The following DST variants were observed in gnomAD, a reference collection of about 807,000 sequenced individuals.
DST encodes the protein bullous pemphigoid antigen.
In DST, 253 loss-of-function variants were observed where a neutral mutation model predicts 875.2. The ratio of observed to expected loss-of-function variants is 0.29; its 90% CI spans 0.26 to 0.32. DST has a LOEUF of 0.32. Ranked by LOEUF, DST falls within the 10% of genes least tolerant of loss-of-function variation. The pLI is 1.00. For synonymous variants in DST, 3,124 were observed against 3,197.1 expected (o/e 0.98, Z 0.77); for missense variants, 8,287 against 9,111.6 (o/e 0.91, Z 3.68).
At chr6:56,489,737 G>T in intron 85 of DST, 128 bp from the exon 86 acceptor site, 3 of 919,198 alleles carry the variant, frequency 3.3e-6, no homozygotes, top group East Asian at 2.8e-5. Flanking sequence ...AATTTCCACT[G>T]AAGAAGAAAA....
intron 5 of DST, among the ~76,000 whole-genome samples, chr6:56,704,827 G>A (rs2099327025): frequency 6.6e-6 from 1 of 152,166 alleles, no homozygotes; most frequent in South Asian, 2.1e-4. Context: ...TGGGTGAAGA[G>A]TATGAGACTC....
intron 2 of DST, among the ~76,000 whole-genome samples, chr6:56,905,574 C>T (rs1465449122): frequency 6.6e-6 from 1 of 152,106 alleles, no homozygotes; most frequent in Non-Finnish European, 1.5e-5. Flanking sequence ...CATACTGTTG[C>T]ATATGCCAGG....
At chr6:56,557,654 T>C in intron 58 of DST, 136 bp from the exon 59 acceptor site, 1 of 720,530 alleles carries the variant, frequency 1.4e-6, no homozygotes, top group Non-Finnish European at 2.2e-6. Context: ...GTTACATAGT[T>C]ACTTAAAGGA....
intron 3 of DST, among the ~76,000 whole-genome samples, chr6:56,876,260 T>A (rs1245180731): frequency 6.6e-6 from 1 of 152,178 alleles, no homozygotes; most frequent in Non-Finnish European, 1.5e-5. Context: ...TCAATGTGGA[T>A]GGGCCAGCCA....
At chr6:56,516,569 A>G (rs977466599) in intron 71 of DST, among the ~76,000 whole-genome samples, 1 of 151,620 alleles carries the variant, frequency 6.6e-6, no homozygotes, top group African/African-American at 2.4e-5. Flanking sequence ...AGAGATTCCT[A>G]TTTTTTTTGC....
intron 3 of DST, among the ~76,000 whole-genome samples, chr6:56,852,732 T>A (rs576054541): frequency 6.6e-6 from 1 of 152,338 alleles, no homozygotes; most frequent in Admixed American, 6.5e-5. Context: ...TCGCTGAGAC[T>A]CATGGTAAAG....
At chr6:56,826,702 A>T (rs1245633971) in intron 4 of DST, among the ~76,000 whole-genome samples, 1 of 152,236 alleles carries the variant, frequency 6.6e-6, no homozygotes, top group Non-Finnish European at 1.5e-5. Context: ...ACATTTGAAT[A>T]TCAAAATTTA....
chr6:56,752,168 C>T (rs2099589123), intron 4 of DST, among the ~76,000 whole-genome samples: 1 of 151,858 alleles, frequency 6.6e-6, no homozygotes, highest in African/African-American at 2.4e-5. Flanking sequence ...CCACTAAGCA[C>T]CAGGCAAGTG....
At chr6:56,907,046 A>G (rs1796741780) in intron 2 of DST, among the ~76,000 whole-genome samples, 2 of 152,226 alleles carry the variant, frequency 1.3e-5, no homozygotes, top group Non-Finnish European at 2.9e-5. Flanking sequence ...CTCATGGGTA[A>G]GCCCATAACC....
At chr6:56,916,521 G>A (rs1217319221) in intron 2 of DST, among the ~76,000 whole-genome samples, 1 of 152,114 alleles carries the variant, frequency 6.6e-6, no homozygotes, top group Non-Finnish European at 1.5e-5. Flanking sequence ...GGAGGCCAAG[G>A]CGAGCAGATC....
At chr6:56,599,999 A>T (rs748342916) in intron 45 of DST, 70 bp downstream of exon 45, 31 of 1,399,406 alleles carry the variant, frequency 2.2e-5, no homozygotes, top group Non-Finnish European at 3.0e-5. Context: ...AATAATCTTC[A>T]CTGACTTCCA....
At chr6:56,615,351 A>T in intron 36 of DST, 1 of 1,471,684 alleles carries the variant, frequency 6.8e-7, no homozygotes, top group East Asian at 2.5e-5. Flanking sequence ...GTAATTTTCA[A>T]TTTAAAACTT....
At position 56,529,526 on chromosome 6, in the gene DST, T is replaced by G; in HGVS notation, c.17517A>C (p.Glu5839Asp). The G allele has an allele frequency of 6.2e-7, 1 of 1,613,242 alleles. No homozygotes were observed. Among genetic ancestry groups the G allele is most frequent in the Non-Finnish European group, 8.5e-7 (1 of 1,179,492 alleles). The change falls in exon 66 of 104, where the codon GAA (glutamate) becomes GAC (aspartate). Residue 5839 changes from glutamate (E) to aspartate (D), a missense_variant. Physicochemically the swap from Glu to Asp is conservative, Grantham distance 45. Around this residue, in one of 10 missense-constraint regions of DST, gnomAD observed 777 missense variants for 764.8 expected, o/e 1.02. Coordinates refer to ENST00000680361, the MANE Select transcript of DST (RefSeq NM_001374736.1). ...DEVELMNWLN[E>D]VHDKLSKLSV... The stretch of plus-strand genomic sequence containing the variant: ...AGAGCTTGCTCAGTTTGTCATGCAC[T>G]TCATTCAGCCAGTTCATCAGTTCAA...
chr6:56,595,064 C>T (rs72879279), intron 47 of DST, among the ~76,000 whole-genome samples: 1,921 of 152,256 alleles, frequency 0.013, 26 homozygotes, highest in Non-Finnish European at 0.018. Flanking sequence ...CCATTCACCC[C>T]AATTTGCCAT....
rs2097510019 is a variant in DST at position 56,560,010 on chromosome 6, C to T, written c.14440+284G>A. 2.0e-5 allele frequency among the ~76,000 whole-genome samples: 3 copies of T among 152,132 alleles called. No homozygotes were observed. In the South Asian group the frequency reaches 6.2e-4, roughly 32 times the overall value. The stretch of plus-strand genomic sequence containing the variant: ...AGCACCAAAAGCTAGGAAAAAGAAA[C>T]ATTAATGAAAACAGGTACTCCATGC... On this transcript the variant is annotated intron_variant, in intron 58 of 103. Transcript: ENST00000680361.
chr6:56,561,466 C>T lies in DST; in HGVS notation c.14152G>A (p.Glu4718Lys), dbSNP rs751207086. Residue 4718 changes from glutamate (E) to lysine (K), a missense_variant, in exon 57 of 104, where the codon GAA becomes AAA. Coordinates refer to ENST00000680361, the MANE Select transcript of DST (RefSeq NM_001374736.1). ...LGLLLKDKIA[E>K]LNTKLSKLQK... The stretch of plus-strand genomic sequence containing the variant: ...AATTTGGAGAGTTTAGTGTTCAGTT[C>T]CGCTATTTTGTCCTTGAGTAAGAGG... 2 of 1,613,728 alleles carry T rather than the reference C, an allele frequency of 1.2e-6. No individual in the cohort carries two copies. The highest frequency in any genetic ancestry group is 2.7e-5 in the African/African-American group (2 of 74,928).
chr6:56,565,585 G>A (rs2097659687), intron 55 of DST, among the ~76,000 whole-genome samples: 1 of 152,048 alleles, frequency 6.6e-6, no homozygotes. Flanking sequence ...GGTTTACTCA[G>A]GCATCTGCTA....
Position 56,607,413 on chromosome 6 carries a change from T to A in DST, c.7215A>T (p.Ser2405=). Residue 2405 remains serine, a synonymous_variant, in exon 40 of 104, where the codon TCA becomes TCT. Transcript: ENST00000680361. ...TCACACCACAGAATTTACTCATTTT[T>A]GATTTCATAATAGGATTTTCTATTA... The part of the protein sequence containing the change: ...SDLIENPIMK[S]KMSKFCGVNE... 1.2e-6 allele frequency: 2 copies of A among 1,611,982 alleles called. No individual in the cohort carries two copies. The highest frequency in any genetic ancestry group is 1.7e-6 in the Non-Finnish European group (2 of 1,179,044).
rs140172616 is a variant in DST at position 56,598,817 on chromosome 6, T to C, written c.11695-108A>G. 8.2e-4 allele frequency: 418 copies of C among 509,248 alleles called. 2 individuals carry two copies. The highest frequency in any genetic ancestry group is 7.2e-3 in the African/African-American group (369 of 51,158). 31.5% of individuals were successfully genotyped at this position (509,248 alleles called of 1,614,324 possible). The stretch of plus-strand genomic sequence containing the variant: ...GTGAGTACAGAGAGAGTCTAGTATA[T>C]GTAGCTTGAATAAACATATTGAGTA... On this transcript the variant is annotated intron_variant, in intron 45 of 103. Transcript: ENST00000680361.
Sources: gnomAD v4.1 joint callset for allele counts (sites outside exome capture counted in the v4.1 genomes callset) on GRCh38, gnomAD v4.1.1 for gene constraint, gnomAD v4.1.1 regional missense constraint, MANE v1.5 for transcripts, NCBI Gene and HGNC (gene_info 2026-07-23, HGNC 2026-07-21) for gene names.